Variants in EIF4E1B observed in about 807,000 individuals in gnomAD.
EIF4E1B encodes eukaryotic translation initiation factor 4E family member 1B, also known as eukaryotic translation initiation factor 4E type 1B.
In EIF4E1B, 22 loss-of-function variants were observed where a neutral mutation model predicts 31.3. That is an observed-to-expected ratio of 0.70 (90% CI 0.50 to 1.00). EIF4E1B has a LOEUF of 1.00. EIF4E1B is among the 50% of genes least tolerant of loss of function. EIF4E1B has a pLI of 0.00. For missense variants in EIF4E1B, 290 were observed against 311.6 expected, an observed-to-expected ratio of 0.93 and a Z score of 0.52; for synonymous variants, 126 against 120.2, an observed-to-expected ratio of 1.05 and a Z score of -0.31.
At chr5:176,642,533 T>G (rs1052282730) in intron 2 of EIF4E1B, among the ~76,000 whole-genome samples, 177 bp from the exon 3 acceptor site, 1 of 152,212 alleles carries the variant, frequency 6.6e-6, no homozygotes, top group African/African-American at 2.4e-5. Flanking sequence ...AGAGACCAGA[T>G]GAATACCTGC....
chr5:176,642,988 C>G, intron 3 of EIF4E1B, 94 bp from the exon 4 acceptor site: 1 of 1,517,398 alleles, frequency 6.6e-7, no homozygotes, highest in Non-Finnish European at 8.9e-7. Context: ...GAGTCCCCTG[C>G]CTTCCCCTCC....
chr5:176,639,336 T>C (rs1374499571), intron 1 of EIF4E1B, among the ~76,000 whole-genome samples: 1 of 152,180 alleles, frequency 6.6e-6, no homozygotes, highest in East Asian at 1.9e-4. Flanking sequence ...TAAGAGCCCC[T>C]GCTGGTTCAA....
In EIF4E1B at chr5:176,646,323, A is replaced by G; in HGVS notation, c.*343A>G. 4.3e-6 allele frequency: 1 copy of G among 234,546 alleles called. No individual in the cohort carries two copies. Among genetic ancestry groups the G allele is most frequent in the Non-Finnish European group, 8.6e-6 (1 of 115,804 alleles). 14.5% of individuals were successfully genotyped at this position (234,546 alleles called of 1,614,324 possible). A position where few individuals can be genotyped will look rare whatever the true frequency, so the allele number is the denominator to read the frequency against. On this transcript the variant is annotated 3_prime_UTR_variant, in exon 9 of 9. Transcript: ENST00000318682. ...ACTGTTTCCACCCAGGAAGGAGGTGAGGTGGCCTGAGAGACAGACTCTTCC... is the reference window on the plus strand; with the variant it reads ...ACTGTTTCCACCCAGGAAGGAGGTGGGGTGGCCTGAGAGACAGACTCTTCC...
chr5:176,632,347 C>T (rs1168630384), intron 1 of EIF4E1B, among the ~76,000 whole-genome samples: 1 of 152,188 alleles, frequency 6.6e-6, no homozygotes, highest in African/African-American at 2.4e-5. Context: ...CCTCCACCTC[C>T]AGGGTTCAAG....
chr5:176,642,435 G>T (rs1164677534), intron 2 of EIF4E1B, among the ~76,000 whole-genome samples: 2 of 152,216 alleles, frequency 1.3e-5, no homozygotes, highest in Admixed American at 6.5e-5. Context: ...CCCAGGAGTT[G>T]CCTGGGCAAC....
At position 176,636,981 on chromosome 5, in the gene EIF4E1B, T is replaced by C. The variant is rs1760504011; in HGVS notation, c.-201-5062T>C. 2.0e-5 allele frequency among the ~76,000 whole-genome samples: 3 copies of C among 152,274 alleles called. No homozygotes were observed. In the South Asian group the frequency reaches 6.2e-4, roughly 32 times the overall value. On this transcript the variant is annotated intron_variant, in intron 1 of 8. Transcript: ENST00000318682. ...TGGGATGGGGCAGACAATTCACAACTAGAAACCACAAAAGACGCTTCCACT... is the reference window on the plus strand; with the variant it reads ...TGGGATGGGGCAGACAATTCACAACCAGAAACCACAAAAGACGCTTCCACT...
chr5:176,633,354 C>G (rs1158707985), intron 1 of EIF4E1B, among the ~76,000 whole-genome samples: 1 of 152,150 alleles, frequency 6.6e-6, no homozygotes, highest in South Asian at 2.1e-4. Flanking sequence ...TCATCTCAGC[C>G]CTTTCAGTAG....
At chr5:176,639,155 C>T (rs967815799) in intron 1 of EIF4E1B, among the ~76,000 whole-genome samples, 5 of 152,238 alleles carry the variant, frequency 3.3e-5, no homozygotes, top group East Asian at 1.9e-4. Flanking sequence ...ATGATCCCCC[C>T]GAGGAACCTG....
At chr5:176,637,539 G>T (rs184000879) in intron 1 of EIF4E1B, among the ~76,000 whole-genome samples, 61 of 152,306 alleles carry the variant, frequency 4.0e-4, no homozygotes, top group Non-Finnish European at 5.9e-5. Flanking sequence ...GCTGGGGGCA[G>T]TGAGGGAGGA....
At chr5:176,639,795 T>C (rs1366042652) in intron 1 of EIF4E1B, among the ~76,000 whole-genome samples, 1 of 151,906 alleles carries the variant, frequency 6.6e-6, no homozygotes, top group Non-Finnish European at 1.5e-5. Flanking sequence ...GACATGGTGG[T>C]GTGCACCTGT....
rs528195805 is a variant in EIF4E1B, at chr5:176,646,250, G to A, written c.*270G>A. 1.2e-5 allele frequency: 5 copies of A among 402,856 alleles called. No individual in the cohort carries two copies. The East Asian group carries it at 2.0e-4, about 16-fold the overall frequency. 25.0% of individuals were successfully genotyped at this position (402,856 alleles called of 1,614,324 possible). ...CCTGAGGGTGGGGTGAGTCATGGCG[G>A]GGAAGGAGGGCTCTATGGTAGGCGG... On this transcript the variant is annotated 3_prime_UTR_variant, in exon 9 of 9. Coordinates refer to ENST00000318682, the MANE Select transcript of EIF4E1B (RefSeq NM_001099408.2).
At chr5:176,640,211 G>A (rs1340329499) in intron 1 of EIF4E1B, among the ~76,000 whole-genome samples, 1 of 152,196 alleles carries the variant, frequency 6.6e-6, no homozygotes, top group Non-Finnish European at 1.5e-5. Context: ...ACATGGAGAG[G>A]CCACGCAGTG....
At position 176,643,280 on chromosome 5, in the gene EIF4E1B, TG is replaced by T; in HGVS notation, c.200+15del. On this transcript the variant is annotated intron_variant, in intron 4 of 8. Transcript: ENST00000318682. Reference sequence around the variant, plus strand: ...CTTGCAGAACAGGTAGGCAGGAGCCTGCGAGTGGAACACAGCCCCTTGCTTT... The same window carrying T: ...CTTGCAGAACAGGTAGGCAGGAGCCTCGAGTGGAACACAGCCCCTTGCTTT... 6.2e-7 allele frequency: 1 copy of T among 1,608,960 alleles called. No individual in the cohort carries two copies. The highest frequency in any genetic ancestry group is 8.5e-7 in the Non-Finnish European group (1 of 1,177,838).
At chr5:176,636,151 C>A (rs949903546) in intron 1 of EIF4E1B, among the ~76,000 whole-genome samples, 1 of 152,164 alleles carries the variant, frequency 6.6e-6, no homozygotes, top group Non-Finnish European at 1.5e-5. Flanking sequence ...CTACATTTTT[C>A]TCTCTTGCTC....
Position 176,643,215 on chromosome 5 carries a change from G to C in EIF4E1B, c.149G>C (p.Arg50Pro). 1 of 1,613,182 alleles carries C rather than the reference G, an allele frequency of 6.2e-7. No individual in the cohort carries two copies. The change falls in exon 4 of 9, where the codon CGG (arginine) becomes CCG (proline). Residue 50 changes from arginine to proline, a missense_variant. Transcript: ENST00000318682. ...RTLLSLRGKA[R>P]TGGPMEVKLE... ...TTGCTGTCTCTGAGAGGGAAGGCCC[G>C]GACGGGGGGCCCCATGGAAGTCAAG...
chr5:176,636,846 A>G (rs775967971), intron 1 of EIF4E1B, among the ~76,000 whole-genome samples: 20 of 152,214 alleles, frequency 1.3e-4, no homozygotes, highest in Non-Finnish European at 2.4e-4. Flanking sequence ...GTTCTTTTCA[A>G]TCAGTTTTCC....
chr5:176,638,447 G>A lies in EIF4E1B; in HGVS notation c.-201-3596G>A, dbSNP rs1044694818. On this transcript the variant is annotated intron_variant, in intron 1 of 8. Coordinates refer to ENST00000318682, the MANE Select transcript of EIF4E1B (RefSeq NM_001099408.2). This position sits in a 1 kb window ranked among gnomAD's most constrained non-coding sequence, Gnocchi z 4.3. ...GTCATTATTTGTTGAATGAATAAAC[G>A]AATAAGTAGTGTTAAGCGCTAAGAA... Among the ~76,000 whole-genome samples the A allele has an allele frequency of 7.9e-5, 12 of 152,180 alleles. No individual in the cohort carries two copies. Among genetic ancestry groups the A allele is most frequent in the African/African-American group, 2.9e-4 (12 of 41,436 alleles).
In EIF4E1B at chr5:176,636,233, C is replaced by T. The variant is rs533522402; in HGVS notation, c.-202+5169C>T. Among the ~76,000 whole-genome samples, 55 of 152,336 alleles carry T rather than the reference C, an allele frequency of 3.6e-4. No homozygotes were observed. In the South Asian group the frequency reaches 3.9e-3, roughly 11 times the overall value. ...CTCTAGCAGGATGGATCCTTTCCCC[C>T]GCCACATACCCCTACCACCCTTTAG... is the stretch of plus-strand genomic sequence containing the variant. On this transcript the variant is annotated intron_variant, in intron 1 of 8. Coordinates refer to ENST00000318682, the MANE Select transcript of EIF4E1B (RefSeq NM_001099408.2).
chr5:176,644,665 G>T lies in EIF4E1B; in HGVS notation c.360+226G>T, dbSNP rs1379477440. Reference sequence around the variant, plus strand: ...CTTAAGAGGCGGGAAGAGGGAGAGGGAGAGATTTCTGACCTGGCTCCTTAA... The same window carrying T: ...CTTAAGAGGCGGGAAGAGGGAGAGGTAGAGATTTCTGACCTGGCTCCTTAA... On this transcript the variant is annotated intron_variant, in intron 6 of 8. Coordinates refer to ENST00000318682, the MANE Select transcript of EIF4E1B (RefSeq NM_001099408.2). 7 of 547,870 alleles carry T rather than the reference G, an allele frequency of 1.3e-5. No individual in the cohort carries two copies. In the South Asian group the frequency reaches 1.8e-4, roughly 14 times the overall value. The allele number at this position is 547,870 out of a possible 1,614,324, so 33.9% of individuals were successfully genotyped here. A position where few individuals can be genotyped will look rare whatever the true frequency, so the allele number is the denominator to read the frequency against.
Sources: gnomAD v4.1 joint callset for allele counts (sites outside exome capture counted in the v4.1 genomes callset) on GRCh38, gnomAD v4.1.1 for gene constraint, Gnocchi (gnomAD v3.1) non-coding constraint, MANE v1.5 for transcripts, NCBI Gene and HGNC (gene_info 2026-07-23, HGNC 2026-07-21) for gene names.